The following ZRANB2 variants were observed in gnomAD, a reference collection of about 807,000 sequenced individuals.
The protein encoded by ZRANB2 is zinc finger RANBP2-type containing 2.
Under a neutral mutation model 53.4 loss-of-function variants are expected in ZRANB2, and 19 were observed. The observed-to-expected ratio is 0.36, with a 90% CI of 0.25 to 0.52. The LOEUF (loss-of-function observed/expected upper bound fraction) is 0.52, where lower values mean the gene tolerates loss of function less well. ZRANB2 is among the 20% of genes least tolerant of loss of function. ZRANB2 has a pLI of 0.93. For missense variants in ZRANB2, 309 were observed against 401.1 expected (o/e 0.77, Z 1.96); for synonymous variants, 145 against 134.8 (o/e 1.08, Z -0.52).
At chr1:71,066,621 G>A (rs1353937516) in intron 9 of ZRANB2, 155 bp downstream of exon 9, 14 of 649,476 alleles carry the variant, frequency 2.2e-5, no homozygotes, top group Non-Finnish European at 3.2e-5. Flanking sequence ...AAGTACAAAG[G>A]ATAAGCAAAG....
At chr1:71,077,957 T>C (rs528528958) in intron 3 of ZRANB2, among the ~76,000 whole-genome samples, 1 of 152,180 alleles carries the variant, frequency 6.6e-6, no homozygotes, top group Non-Finnish European at 1.5e-5. Context: ...AGAGAAAAGA[T>C]GGAAGTTGGA....
intron 4 of ZRANB2, among the ~76,000 whole-genome samples, chr1:71,073,516 A>T (rs1661638004): frequency 6.6e-6 from 1 of 151,876 alleles, no homozygotes; most frequent in African/African-American, 2.4e-5. Flanking sequence ...TATCATATTT[A>T]AAAAAATATT....
intron 1 of ZRANB2, among the ~76,000 whole-genome samples, chr1:71,080,252 G>C (rs1661808593): frequency 6.6e-6 from 1 of 151,976 alleles, no homozygotes; most frequent in Non-Finnish European, 1.5e-5. Context: ...TACTGGCTTT[G>C]GCAACAATGT....
intron 9 of ZRANB2, 121 bp from the exon 10 acceptor site, chr1:71,065,258 A>G: frequency 2.8e-6 from 2 of 710,768 alleles, no homozygotes; most frequent in Non-Finnish European, 4.5e-6. Flanking sequence ...AAAAATTAAA[A>G]ATTGAGATAG....
chr1:71,076,923 A>G (rs1370383983), intron 3 of ZRANB2, 46 bp from the exon 4 acceptor site: 4 of 1,342,724 alleles, frequency 3.0e-6, no homozygotes, highest in Non-Finnish European at 4.2e-6. Flanking sequence ...AATATAGATG[A>G]ATATCAAATT....
intron 8 of ZRANB2, among the ~76,000 whole-genome samples, chr1:71,068,098 C>G (rs1162519211): frequency 6.6e-6 from 1 of 152,118 alleles, no homozygotes; most frequent in East Asian, 1.9e-4. Flanking sequence ...CTCCTGGGCT[C>G]AAGCAGCCCG....
intron 4 of ZRANB2, among the ~76,000 whole-genome samples, chr1:71,075,230 T>C (rs1661681107): frequency 6.6e-6 from 1 of 152,270 alleles, no homozygotes; most frequent in African/African-American, 2.4e-5. Context: ...CCACAAAACA[T>C]AGTAATTCTT....
rs749786911 is a variant in ZRANB2, at chr1:71,076,781, T to C, written c.301+14A>G. Reference sequence around the variant, plus strand: ...TAAAAAAAATCATTTAGTTACAATGTGGTTTTATCATACCTGTTCTTTCTT... The same window carrying C: ...TAAAAAAAATCATTTAGTTACAATGCGGTTTTATCATACCTGTTCTTTCTT... On this transcript the variant is annotated intron_variant, in intron 4 of 9. Transcript: ENST00000370920. 28 of 1,576,918 alleles carry C rather than the reference T, an allele frequency of 1.8e-5. No homozygotes were observed. Among genetic ancestry groups the C allele is most frequent in the Non-Finnish European group, 2.3e-5 (27 of 1,151,590 alleles).
chr1:71,075,868 T>C (rs778808695), intron 4 of ZRANB2, among the ~76,000 whole-genome samples: 16 of 147,726 alleles, frequency 1.1e-4, no homozygotes, highest in Non-Finnish European at 2.4e-4. Context: ...CATTATGTTA[T>C]AATGTTCTCA....
chr1:71,071,999 T>C, intron 6 of ZRANB2, 122 bp downstream of exon 6: 4 of 1,414,946 alleles, frequency 2.8e-6, no homozygotes, highest in Non-Finnish European at 3.8e-6. Flanking sequence ...TCCAAAACCT[T>C]TGTGAGAACA....
In ZRANB2 at chr1:71,063,844, AAT is replaced by A. The variant is rs1221614299; in HGVS notation, c.*1228_*1229del. 6.6e-6 allele frequency: 1 copy of A among 152,564 alleles called. No homozygotes were observed. Among genetic ancestry groups the A allele is most frequent in the East Asian group, 1.9e-4 (1 of 5,190 alleles). The allele number at this position is 152,564 out of a possible 1,614,324, so 9.5% of individuals were successfully genotyped here. On this transcript the variant is annotated 3_prime_UTR_variant, in exon 10 of 10. Transcript: ENST00000370920. The stretch of plus-strand genomic sequence containing the variant: ...AATTTTTATTTAAATTGCAGCAGAC[AAT>A]GTTACGGAAAAAAAACAAGAAATCA...
chr1:71,066,937 T>G lies in ZRANB2; in HGVS notation c.771-3A>C, dbSNP rs1661456488. On this transcript the variant is annotated splice_polypyrimidine_tract_variant and splice_region_variant and intron_variant, in intron 8 of 9. Coordinates refer to ENST00000370920, the MANE Select transcript of ZRANB2 (RefSeq NM_203350.3). ...CCCTGTGGGACCTGGAGCTGGATCT[T>G]CATTGATTGAGAAACAAATCAAACA... 6.4e-7 allele frequency: 1 copy of G among 1,554,244 alleles called. No homozygotes were observed. Among genetic ancestry groups the G allele is most frequent in the Non-Finnish European group, 8.7e-7 (1 of 1,152,042 alleles).
chr1:71,066,204 A>G (rs938114980), intron 9 of ZRANB2: 2 of 159,402 alleles, frequency 1.3e-5, no homozygotes, highest in South Asian at 1.8e-4. Flanking sequence ...TCCAATATTA[A>G]AAGTGTCAGT....
At chr1:71,066,551 A>C (rs997766677) in intron 9 of ZRANB2, 3 of 391,620 alleles carry the variant, frequency 7.7e-6, no homozygotes, top group Non-Finnish European at 1.3e-5. Context: ...TGGAACTAAA[A>C]ATTTAAACAA....
rs1302301533 is a variant in ZRANB2, at chr1:71,065,116, T to C, written c.951A>G (p.Gly317=). The C allele has an allele frequency of 6.2e-7, 1 of 1,611,790 alleles. No homozygotes were observed. The highest frequency in any genetic ancestry group is 1.7e-5 in the Admixed American group (1 of 59,792). ...SPERRHRSSS[G]SSHSGSRSSS... is the part of the protein sequence containing the mutation. ...TTGAACGGGAACCAGAATGGGATGA[T>C]CCAGATGATGACCTGTGGCGTCTGT... The change falls in exon 10 of 10, where the codon GGA becomes GGG. Residue 317 remains glycine, a synonymous_variant. Coordinates refer to ENST00000370920, the MANE Select transcript of ZRANB2 (RefSeq NM_203350.3).
intron 3 of ZRANB2, among the ~76,000 whole-genome samples, chr1:71,077,178 C>T (rs1661728269): frequency 6.6e-6 from 1 of 152,024 alleles, no homozygotes; most frequent in Admixed American, 6.6e-5. Context: ...TCCACAAATC[C>T]AAAATCCAAA....
At chr1:71,078,802 C>T in intron 1 of ZRANB2, 94 bp from the exon 2 acceptor site, 1 of 1,061,984 alleles carries the variant, frequency 9.4e-7, no homozygotes, top group South Asian at 1.4e-5. Context: ...TTCATAACTT[C>T]TAATCCATCT....
intron 7 of ZRANB2, 172 bp from the exon 8 acceptor site, chr1:71,069,534 A>G: frequency 2.3e-6 from 1 of 439,454 alleles, no homozygotes; most frequent in Non-Finnish European, 4.1e-6. Flanking sequence ...TTAGTAACAA[A>G]AGGTAATTAA....
chr1:71,065,058 T>G lies in ZRANB2; in HGVS notation c.*16A>C, dbSNP rs761589155. ...TGCACTGTACTGGATTTTTTTAAGA[T>G]GTAAATTTTAATACATTATTTCTTT... On this transcript the variant is annotated 3_prime_UTR_variant, in exon 10 of 10. Transcript: ENST00000370920. 1 of 1,587,162 alleles carries G rather than the reference T, an allele frequency of 6.3e-7. No homozygotes were observed. Among genetic ancestry groups the G allele is most frequent in the Non-Finnish European group, 8.6e-7 (1 of 1,159,532 alleles).
Sources: gnomAD v4.1 joint callset for allele counts (sites outside exome capture counted in the v4.1 genomes callset) on GRCh38, gnomAD v4.1.1 for gene constraint, MANE v1.5 for transcripts, NCBI Gene and HGNC (gene_info 2026-07-23, HGNC 2026-07-21) for gene names.